Variants in SIM2 observed in about 807,000 individuals in gnomAD.
SIM2 encodes SIM bHLH transcription factor 2.
SIM2 carries 28 observed loss-of-function variants against 64.8 expected under a neutral mutation model. The observed-to-expected ratio is 0.43, with a 90% confidence interval of 0.32 to 0.59. SIM2 has a LOEUF of 0.59. Ranked by LOEUF, SIM2 falls within the 20% of genes least tolerant of loss-of-function variation. SIM2 has a pLI of 0.07. For synonymous variants in SIM2, 408 were observed against 391.1 expected, an observed-to-expected ratio of 1.04 and a Z score of -0.51; for missense variants, 847 against 871.4, an observed-to-expected ratio of 0.97 and a Z score of 0.35.
Position 36,747,312 on chromosome 21 carries a change from C to T in SIM2, c.1577-353C>T, listed in dbSNP as rs796700494. ...TGGAAATGTGGCCAGTGCAGTGAGG[C>T]AGGTGTGACCTGCGCTCTGCATCTC... is the stretch of plus-strand genomic sequence containing the variant. On this transcript the variant is annotated intron_variant, in intron 10 of 10. Coordinates refer to ENST00000290399, the MANE Select transcript of SIM2 (RefSeq NM_005069.6). The surrounding 1 kb of genome is among the most constrained non-coding windows in gnomAD (Gnocchi z 4.5). Among the ~76,000 whole-genome samples, 1 of 150,218 alleles carries T rather than the reference C, an allele frequency of 6.7e-6. No individual in the cohort carries two copies. Among genetic ancestry groups the T allele is most frequent in the Admixed American group, 6.6e-5 (1 of 15,120 alleles).
At position 36,743,530 on chromosome 21, in the gene SIM2, T is replaced by G; in HGVS notation, c.1142T>G (p.Leu381Arg). Residue 381 changes from leucine (L) to arginine (R), a missense_variant, in exon 9 of 11, where the codon CTG (leucine) becomes CGG (arginine). Physicochemically the swap from Leu to Arg is moderately radical, Grantham distance 102. Coordinates refer to ENST00000290399, the MANE Select transcript of SIM2 (RefSeq NM_005069.6). Reference protein sequence around the residue: ...KPKNTKMKTKLRTNPYPPQQY... With the variant: ...KPKNTKMKTKRRTNPYPPQQY... ...AAAAATACCAAGATGAAGACAAAGC[T>G]GAGAACAAACCCTTACCCCCCACAG... 1 of 1,614,010 alleles carries G rather than the reference T, an allele frequency of 6.2e-7. No homozygotes were observed. The highest frequency in any genetic ancestry group is 8.5e-7 in the Non-Finnish European group (1 of 1,180,010).
chr21:36,734,653 G>A lies in SIM2; in HGVS notation c.850+3502G>A, dbSNP rs990852800. ...TGATGGGGAGTTCTTTGGTTCCAGC[G>A]TGGGAACCACCTGCAGGGCTGAGCA... On this transcript the variant is annotated intron_variant, in intron 7 of 10. Coordinates refer to ENST00000290399, the MANE Select transcript of SIM2 (RefSeq NM_005069.6). 7.2e-5 allele frequency among the ~76,000 whole-genome samples: 11 copies of A among 152,290 alleles called. No individual in the cohort carries two copies. In the East Asian group the frequency reaches 7.7e-4, roughly 11 times the overall value.
intron 7 of SIM2, among the ~76,000 whole-genome samples, chr21:36,733,567 T>G (rs1203815754): frequency 1.3e-5 from 2 of 151,194 alleles, no homozygotes; most frequent in Non-Finnish European, 3.0e-5. Context: ...GGGATTTTTT[T>G]TTTTTTTTTT....
At chr21:36,742,685 C>T (rs889720020) in intron 8 of SIM2, among the ~76,000 whole-genome samples, 15 of 152,152 alleles carry the variant, frequency 9.9e-5, no homozygotes, top group African/African-American at 3.1e-4. Flanking sequence ...CTTGCCATGC[C>T]GCCAGCCCCA....
chr21:36,708,866 G>T (rs2088629123), intron 1 of SIM2, among the ~76,000 whole-genome samples: 1 of 152,372 alleles, frequency 6.6e-6, no homozygotes, highest in East Asian at 1.9e-4. Context: ...AAATAAAACG[G>T]CAATTTCAGG....
At chr21:36,743,307 C>A in intron 8 of SIM2, 80 bp from the exon 9 acceptor site, 1 of 1,334,076 alleles carries the variant, frequency 7.5e-7, no homozygotes, top group South Asian at 1.4e-5. Context: ...TGAGAACGCC[C>A]TGCCCAAGGG....
At chr21:36,719,622 GA>G (rs1319851520) in intron 3 of SIM2, among the ~76,000 whole-genome samples, 198 bp from the exon 4 acceptor site, 1 of 152,224 alleles carries the variant, frequency 6.6e-6, no homozygotes, top group Non-Finnish European at 1.5e-5. Context: ...GGCCTTTTTA[GA>G]CAGTGTGGGA....
chr21:36,715,679 C>G (rs960705221), intron 3 of SIM2, among the ~76,000 whole-genome samples: 8 of 152,002 alleles, frequency 5.3e-5, no homozygotes, highest in African/African-American at 1.7e-4. Flanking sequence ...GAATGTAAGC[C>G]CCTAGATCTG....
intron 3 of SIM2, among the ~76,000 whole-genome samples, chr21:36,715,700 G>C (rs1230044454): frequency 6.6e-6 from 1 of 152,154 alleles, no homozygotes; most frequent in Non-Finnish European, 1.5e-5. Context: ...CTATAATTGT[G>C]TGGAAATTCA....
chr21:36,740,045 AAGAAAG>A (rs1180844252), intron 7 of SIM2, among the ~76,000 whole-genome samples: 3 of 123,242 alleles, frequency 2.4e-5, no homozygotes, highest in Admixed American at 2.4e-4. Flanking sequence ...GAAAGAAAGA[AAGAAAG>A]AAAGAAAGAG....
intron 7 of SIM2, among the ~76,000 whole-genome samples, chr21:36,739,156 G>C (rs973054258): frequency 6.6e-6 from 1 of 152,260 alleles, no homozygotes; most frequent in African/African-American, 2.4e-5. Flanking sequence ...TTTTCAGTCA[G>C]ATAAAAGTTA....
At chr21:36,737,077 C>T (rs578246384) in intron 7 of SIM2, among the ~76,000 whole-genome samples, 2 of 152,210 alleles carry the variant, frequency 1.3e-5, no homozygotes, top group South Asian at 2.1e-4. Flanking sequence ...CAGGCATGTA[C>T]CACCATACCC....
At chr21:36,729,121 G>A (rs2088932118) in intron 6 of SIM2, among the ~76,000 whole-genome samples, 1 of 152,202 alleles carries the variant, frequency 6.6e-6, no homozygotes, top group Non-Finnish European at 1.5e-5. Context: ...GTACTTTGAT[G>A]AGAAACTTAA....
rs2070647 is a variant in SIM2, at chr21:36,709,262, T to G, written c.258+12T>G. On this transcript the variant is annotated intron_variant, in intron 2 of 10. Coordinates refer to ENST00000290399, the MANE Select transcript of SIM2 (RefSeq NM_005069.6). ...CGCACTTGCTGCAGGTAGAGCGGCC[T>G]CGCCGGGGGAGGAGCGCAGCCGCCG... 0.75 allele frequency: 1,181,103 copies of G among 1,583,260 alleles called. 442,689 individuals are homozygous for G. The highest frequency in any genetic ancestry group is 0.93 in the African/African-American group (69,210 of 74,548).
chr21:36,711,306 T>G (rs945504690), intron 2 of SIM2, among the ~76,000 whole-genome samples: 4 of 152,258 alleles, frequency 2.6e-5, no homozygotes, highest in African/African-American at 9.6e-5. Context: ...TTTATAACTT[T>G]AGAAATTGCT....
intron 3 of SIM2, among the ~76,000 whole-genome samples, chr21:36,716,415 T>C (rs1373464506): frequency 6.6e-6 from 1 of 152,216 alleles, no homozygotes; most frequent in African/African-American, 2.4e-5. Context: ...AATGTCTTAT[T>C]TGAGATTGTG....
At chr21:36,741,625 G>A (rs774931725) in intron 7 of SIM2, 92 bp from the exon 8 acceptor site, 163 of 1,444,984 alleles carry the variant, frequency 1.1e-4, no homozygotes, top group Non-Finnish European at 1.5e-4. Context: ...GTTCTCAGAG[G>A]TGTCCTTGGG....
intron 2 of SIM2, among the ~76,000 whole-genome samples, chr21:36,712,149 G>A (rs757909727): frequency 6.6e-6 from 1 of 152,156 alleles, no homozygotes; most frequent in Non-Finnish European, 1.5e-5. Flanking sequence ...GACATAAAAT[G>A]GTCTATATAG....
At chr21:36,727,793 A>G (rs1239485235) in intron 6 of SIM2, among the ~76,000 whole-genome samples, 1 of 152,110 alleles carries the variant, frequency 6.6e-6, no homozygotes, top group Non-Finnish European at 1.5e-5. Context: ...TTCACTTTTT[A>G]AAGTTGTGGT....
Sources: allele counts gnomAD v4.1 joint callset (sites outside exome capture counted in the v4.1 genomes callset), GRCh38; gene constraint gnomAD v4.1.1; non-coding constraint Gnocchi (gnomAD v3.1); transcripts MANE v1.5; gene names NCBI Gene and HGNC (gene_info 2026-07-23, HGNC 2026-07-21).